Variants in AOAH observed in about 807,000 individuals in gnomAD.
AOAH encodes acyloxyacyl hydrolase, also known as acyloxyacyl hydrolase (neutrophil).
AOAH carries 64 observed loss-of-function variants against 92.2 expected under a neutral mutation model. The ratio of observed to expected loss-of-function variants is 0.69; its 90% CI spans 0.57 to 0.86. The LOEUF is 0.86. AOAH is among the 40% of genes least tolerant of loss of function. The pLI is 0.00. For missense variants in AOAH, 656 were observed against 694.6 expected (o/e 0.94, Z 0.62); for synonymous variants, 263 against 254.5 (o/e 1.03, Z -0.32).
At chr7:36,578,664 G>A (rs1788703789) in intron 12 of AOAH, among the ~76,000 whole-genome samples, 1 of 152,108 alleles carries the variant, frequency 6.6e-6, no homozygotes, top group Non-Finnish European at 1.5e-5. Flanking sequence ...GACATTATCT[G>A]TTCACTTCCT....
At chr7:36,520,729 G>T (rs1354489827) in intron 20 of AOAH, among the ~76,000 whole-genome samples, 1 of 142,510 alleles carries the variant, frequency 7.0e-6, no homozygotes, top group African/African-American at 2.6e-5. Flanking sequence ...AAAAAAAATA[G>T]AAAGTAGGGA....
intron 6 of AOAH, among the ~76,000 whole-genome samples, chr7:36,630,232 G>A (rs1792978879): frequency 6.6e-6 from 1 of 152,222 alleles, no homozygotes; most frequent in South Asian, 2.1e-4. Context: ...GTTGTTCTAA[G>A]CCACCCAGTT....
chr7:36,517,971 GCACACACA>G (rs1433535700), intron 20 of AOAH, among the ~76,000 whole-genome samples: 1 of 117,888 alleles, frequency 8.5e-6, no homozygotes, highest in South Asian at 2.8e-4. Flanking sequence ...ACACACACAC[GCACACACA>G]CACACTGGAT....
chr7:36,527,717 A>G (rs527361530), intron 19 of AOAH, among the ~76,000 whole-genome samples: 2 of 152,322 alleles, frequency 1.3e-5, no homozygotes, highest in Non-Finnish European at 2.9e-5. Context: ...TGGTTATTTA[A>G]TTCACTTGAG....
At chr7:36,559,058 T>C (rs1237247652) in intron 13 of AOAH, among the ~76,000 whole-genome samples, 2 of 152,240 alleles carry the variant, frequency 1.3e-5, no homozygotes, top group Non-Finnish European at 2.9e-5. Flanking sequence ...AAATCACCCA[T>C]CTTCTGTGTC....
chr7:36,659,271 G>T lies in AOAH; in HGVS notation c.291-6C>A. 6.2e-7 allele frequency: 1 copy of T among 1,611,184 alleles called. No individual in the cohort carries two copies. The highest frequency in any genetic ancestry group is 8.5e-7 in the Non-Finnish European group (1 of 1,177,462). On this transcript the variant is annotated splice_polypyrimidine_tract_variant and splice_region_variant and intron_variant, in intron 3 of 20. Transcript: ENST00000617537. The stretch of plus-strand genomic sequence containing the variant: ...CATTCATATCTGCGCTAAGCCTGGA[G>T]GGAAACGGTGCAAAACAAAGGCTAT...
At chr7:36,609,620 C>T (rs1394369803) in intron 11 of AOAH, among the ~76,000 whole-genome samples, 2 of 151,490 alleles carry the variant, frequency 1.3e-5, no homozygotes, top group Non-Finnish European at 2.9e-5. Flanking sequence ...TGACTACCTC[C>T]AGCTCTGTTC....
intron 20 of AOAH, among the ~76,000 whole-genome samples, chr7:36,517,818 C>G (rs1783882887): frequency 6.6e-6 from 1 of 151,592 alleles, no homozygotes; most frequent in South Asian, 2.1e-4. Flanking sequence ...CCAGGCTGGT[C>G]TCGAACTCCT....
In AOAH at chr7:36,648,532, AG is replaced by A. The variant is rs1283436099; in HGVS notation, c.391-10623del. ...TGCCATTTGTCTTTTGACTTTGTGA[AG>A]GGGGCAAGTTTTTACTAGTCAGATG... On this transcript the variant is annotated intron_variant, in intron 4 of 20. Coordinates refer to ENST00000617537, the MANE Select transcript of AOAH (RefSeq NM_001637.4). Among the ~76,000 whole-genome samples the A allele has an allele frequency of 2.0e-5, 3 of 152,108 alleles. No individual in the cohort carries two copies. The East Asian group carries it at 5.8e-4, about 29-fold the overall frequency.
At chr7:36,687,518 C>T (rs1354444724) in intron 1 of AOAH, among the ~76,000 whole-genome samples, 1 of 150,544 alleles carries the variant, frequency 6.6e-6, no homozygotes, top group East Asian at 2.0e-4. Flanking sequence ...ACTCACTGAG[C>T]AGCAGGGGAA....
At chr7:36,567,931 C>G (rs1343522130) in intron 13 of AOAH, among the ~76,000 whole-genome samples, 2 of 152,224 alleles carry the variant, frequency 1.3e-5, no homozygotes, top group African/African-American at 4.8e-5. Context: ...CTTTACCCAG[C>G]TTAGGCTTTG....
chr7:36,649,832 G>A (rs545993900), intron 4 of AOAH, among the ~76,000 whole-genome samples: 15 of 152,308 alleles, frequency 9.8e-5, no homozygotes, highest in Middle Eastern at 3.4e-3. Context: ...CAGGGTGTCC[G>A]CTGTGCTCCT....
intron 12 of AOAH, among the ~76,000 whole-genome samples, chr7:36,585,050 A>G (rs906372504): frequency 9.2e-5 from 14 of 152,154 alleles, no homozygotes; most frequent in African/African-American, 3.1e-4. Context: ...CAGGTATTAT[A>G]AGTGAGGTGA....
intron 2 of AOAH, among the ~76,000 whole-genome samples, chr7:36,680,643 C>A (rs1358464952): frequency 6.6e-6 from 1 of 152,182 alleles, no homozygotes; most frequent in Non-Finnish European, 1.5e-5. Context: ...CATTCTGTTT[C>A]TGTGTCTTGT....
chr7:36,530,957 C>T (rs1784655298), intron 18 of AOAH, among the ~76,000 whole-genome samples: 1 of 151,714 alleles, frequency 6.6e-6, no homozygotes, highest in Admixed American at 6.6e-5. Context: ...CAGAGACTTA[C>T]ACCTTTAGAT....
intron 13 of AOAH, among the ~76,000 whole-genome samples, chr7:36,576,229 T>A (rs1252282106): frequency 1.3e-5 from 2 of 152,236 alleles, no homozygotes; most frequent in African/African-American, 2.4e-5. Context: ...GCTTTTGCGA[T>A]GACCTTAATT....
chr7:36,636,008 A>G (rs73687591), intron 5 of AOAH, among the ~76,000 whole-genome samples: 4,535 of 152,266 alleles, frequency 0.03, 219 homozygotes, highest in African/African-American at 0.1. Context: ...ATCTCCTTCA[A>G]TAATGCATAA....
chr7:36,643,541 G>A (rs889851369), intron 4 of AOAH, among the ~76,000 whole-genome samples: 44 of 152,144 alleles, frequency 2.9e-4, no homozygotes, highest in Admixed American at 2.8e-3. Context: ...GCAGCTATAT[G>A]AGTGGTAAGA....
At chr7:36,540,583 T>TACGCACACACACAC (rs1234869763) in intron 15 of AOAH, 92 bp from the exon 16 acceptor site, 1 of 1,104,418 alleles carries the variant, frequency 9.1e-7, no homozygotes, top group Non-Finnish European at 1.3e-6. Context: ...CACACACACA[T>TACGCACACACACAC]ACGCACACAC....
Sources: gnomAD v4.1 joint callset for allele counts (sites outside exome capture counted in the v4.1 genomes callset) on GRCh38, gnomAD v4.1.1 for gene constraint, MANE v1.5 for transcripts, NCBI Gene and HGNC (gene_info 2026-07-23, HGNC 2026-07-21) for gene names.